The following ICA1 variants were observed in gnomAD, a reference collection of about 807,000 sequenced individuals.
ICA1 encodes 69 kDa islet cell autoantigen.
Under a neutral mutation model 71.0 loss-of-function variants are expected in ICA1, and 40 were observed. The ratio of observed to expected loss-of-function variants is 0.56; its 90% CI spans 0.44 to 0.73. The LOEUF (loss-of-function observed/expected upper bound fraction) is 0.73. Ranked by LOEUF, ICA1 falls within the 30% of genes least tolerant of loss-of-function variation. The pLI is 0.00. For missense variants in ICA1, 578 were observed against 576.5 expected, an observed-to-expected ratio of 1.00 and a Z score of -0.03; for synonymous variants, 207 against 209.5, an observed-to-expected ratio of 0.99 and a Z score of 0.10.
chr7:8,188,418 G>C (rs1178561407), intron 6 of ICA1, among the ~76,000 whole-genome samples: 1 of 152,112 alleles, frequency 6.6e-6, no homozygotes, highest in African/African-American at 2.4e-5. Context: ...TCCTTGCCCA[G>C]GAACCTTCAT....
chr7:8,225,250 TTTA>T (rs1396654663), intron 4 of ICA1, among the ~76,000 whole-genome samples: 1 of 152,196 alleles, frequency 6.6e-6, no homozygotes, highest in Non-Finnish European at 1.5e-5. Context: ...CTGAAATTAT[TTTA>T]TGAGAAAAAG....
chr7:8,257,244 A>G (rs1810535243), intron 1 of ICA1, among the ~76,000 whole-genome samples: 1 of 152,158 alleles, frequency 6.6e-6, no homozygotes, highest in South Asian at 2.1e-4. Flanking sequence ...GAGGGGCACT[A>G]TTTATAAATA....
chr7:8,221,226 G>A (rs752445303), intron 5 of ICA1, 49 bp downstream of exon 5: 5 of 1,609,312 alleles, frequency 3.1e-6, no homozygotes, highest in Non-Finnish European at 4.2e-6. Flanking sequence ...GGTGGGTCCC[G>A]GAGTCTCCTC....
chr7:8,175,922 C>A (rs1417338784), intron 6 of ICA1, among the ~76,000 whole-genome samples: 2 of 152,188 alleles, frequency 1.3e-5, no homozygotes, highest in Admixed American at 1.3e-4. Flanking sequence ...CCTTGTTTAT[C>A]CCCCGCTCCT....
At chr7:8,195,996 A>ACAACAC (rs141277192) in intron 6 of ICA1, among the ~76,000 whole-genome samples, 9 of 151,402 alleles carry the variant, frequency 5.9e-5, no homozygotes, top group African/African-American at 2.2e-4. Flanking sequence ...AACAACAACA[A>ACAACAC]CAACACCAAC....
At chr7:8,239,111 T>G (rs1802841770) in intron 1 of ICA1, among the ~76,000 whole-genome samples, 1 of 152,212 alleles carries the variant, frequency 6.6e-6, no homozygotes, top group African/African-American at 2.4e-5. Context: ...AGGGTACATC[T>G]GAACGCCTCA....
chr7:8,241,609 C>A (rs1410798738), intron 1 of ICA1, among the ~76,000 whole-genome samples: 8 of 152,138 alleles, frequency 5.3e-5, no homozygotes, highest in African/African-American at 1.7e-4. Context: ...AATTAAAAGA[C>A]ACAGACTGGC....
chr7:8,259,727 C>A (rs1294827508), intron 1 of ICA1, among the ~76,000 whole-genome samples: 1 of 152,158 alleles, frequency 6.6e-6, no homozygotes, highest in Non-Finnish European at 1.5e-5. Context: ...CGCAGGGATT[C>A]TGATTTTGCT....
At chr7:8,126,389 G>C (rs1473908531) in intron 13 of ICA1, among the ~76,000 whole-genome samples, 1 of 152,114 alleles carries the variant, frequency 6.6e-6, no homozygotes, top group African/African-American at 2.4e-5. Flanking sequence ...CCGTGAATGA[G>C]GTGGTGAAAC....
chr7:8,131,963 C>T (rs1447000620), intron 12 of ICA1, among the ~76,000 whole-genome samples: 1 of 152,176 alleles, frequency 6.6e-6, no homozygotes, highest in African/African-American at 2.4e-5. Context: ...TTATGGTGCC[C>T]CAATCCTGCT....
intron 6 of ICA1, among the ~76,000 whole-genome samples, chr7:8,168,771 GA>G (rs778521493): frequency 1.6e-4 from 25 of 152,216 alleles, no homozygotes; most frequent in Middle Eastern, 3.4e-3. Flanking sequence ...GTTTTTAGGG[GA>G]AAAGTATGCA....
intron 6 of ICA1, among the ~76,000 whole-genome samples, chr7:8,217,082 T>C (rs1437936344): frequency 6.6e-6 from 1 of 152,226 alleles, no homozygotes; most frequent in Non-Finnish European, 1.5e-5. Flanking sequence ...ATTTACAATT[T>C]TGGGGCTTTG....
At chr7:8,119,009 C>T (rs186033960) in intron 13 of ICA1, among the ~76,000 whole-genome samples, 184 of 152,366 alleles carry the variant, frequency 1.2e-3, no homozygotes, top group Middle Eastern at 6.8e-3. Context: ...TTGGGAAGCA[C>T]TTCCTCAGTT....
intron 1 of ICA1, among the ~76,000 whole-genome samples, chr7:8,242,140 T>C (rs150535028): frequency 0.022 from 3,421 of 152,262 alleles, 40 homozygotes; most frequent in South Asian, 0.051. Context: ...ATCACACTTA[T>C]TCCAAAATTG....
chr7:8,186,988 A>C (rs963525637), intron 6 of ICA1, among the ~76,000 whole-genome samples: 10 of 152,236 alleles, frequency 6.6e-5, no homozygotes, highest in African/African-American at 2.4e-4. Flanking sequence ...TGTTGTGCTT[A>C]ATATGGACCA....
chr7:8,144,008 A>C lies in ICA1; in HGVS notation c.805-36T>G. On this transcript the variant is annotated intron_variant, in intron 8 of 13. Transcript: ENST00000402384. The surrounding 1 kb of genome is among the most constrained non-coding windows in gnomAD (Gnocchi z 4.5). ...AGCCATAGAAAAATGAAAAAGAAAA[A>C]AAAAGAAGAAGAAATAGAGACAAAA... 8.5e-7 allele frequency: 1 copy of C among 1,173,050 alleles called. No homozygotes were observed. Among genetic ancestry groups the C allele is most frequent in the Non-Finnish European group, 1.2e-6 (1 of 803,870 alleles). 72.7% of individuals were successfully genotyped at this position (1,173,050 alleles called of 1,614,324 possible). A position where few individuals can be genotyped will look rare whatever the true frequency, so the allele number is the denominator to read the frequency against.
chr7:8,234,183 T>C lies in ICA1; in HGVS notation c.18-1428A>G, dbSNP rs1198771951. On this transcript the variant is annotated intron_variant, in intron 2 of 13. Transcript: ENST00000402384. This position sits in a 1 kb window ranked among gnomAD's most constrained non-coding sequence, Gnocchi z 4.5. ...GGGAGCCGTGATCACACCACTGCAC[T>C]TCATCCTGGGATACGGGGCGAGACC... is the stretch of plus-strand genomic sequence containing the variant. Among the ~76,000 whole-genome samples the C allele has an allele frequency of 6.6e-6, 1 of 152,080 alleles. No individual in the cohort carries two copies. The highest frequency in any genetic ancestry group is 1.5e-5 in the Non-Finnish European group (1 of 68,020).
Position 8,126,017 on chromosome 7 carries a change from G to GTGGGCACTGAGA in ICA1, c.1330+1844_1330+1855dup, listed in dbSNP as rs1336126090. On this transcript the variant is annotated intron_variant, in intron 13 of 13. Coordinates refer to ENST00000402384, the MANE Select transcript of ICA1 (RefSeq NM_001136020.3). ...TCAGGCATAGTCTGGCAGCCCCACT[G>GTGGGCACTGAGA]TGGGCACTGAGATGAACTTCTCTCA... Among the ~76,000 whole-genome samples the GTGGGCACTGAGA allele has an allele frequency of 2.0e-5, 3 of 152,224 alleles. No individual in the cohort carries two copies. In the East Asian group the frequency reaches 5.8e-4, roughly 29 times the overall value.
chr7:8,158,417 CA>C (rs1802502902), intron 7 of ICA1, 109 bp downstream of exon 7: 1 of 1,331,044 alleles, frequency 7.5e-7, no homozygotes, highest in Non-Finnish European at 1.0e-6. Context: ...TACGGAAAGG[CA>C]TTCAGAACTT....
Sources: gnomAD v4.1 joint callset for allele counts (sites outside exome capture counted in the v4.1 genomes callset) on GRCh38, gnomAD v4.1.1 for gene constraint, Gnocchi (gnomAD v3.1) non-coding constraint, MANE v1.5 for transcripts, NCBI Gene and HGNC (gene_info 2026-07-23, HGNC 2026-07-21) for gene names.